LRP1B: variants seen among roughly 807,000 people sequenced by gnomAD.
LRP1B encodes the protein LDL receptor related protein 1B, also known as low-density lipoprotein receptor-related protein 1B.
In LRP1B, 217 loss-of-function variants were observed where a neutral mutation model predicts 556.6. That is an observed-to-expected ratio of 0.39 (90% CI 0.35 to 0.44). The LOEUF (loss-of-function observed/expected upper bound fraction) is 0.44, where lower values mean the gene tolerates loss of function less well. LRP1B is among the 20% of genes least tolerant of loss of function. The pLI, the probability that LRP1B is intolerant of heterozygous loss-of-function variation, is 1.00. For missense variants in LRP1B, 5,053 were observed against 5,620.8 expected (o/e 0.90, Z 3.23); for synonymous variants, 2,047 against 1,865.8 (o/e 1.10, Z -2.50).
chr2:141,922,088 C>A (rs1052723884), intron 1 of LRP1B, among the ~76,000 whole-genome samples: 1 of 151,948 alleles, frequency 6.6e-6, no homozygotes, highest in Non-Finnish European at 1.5e-5. Context: ...AGGATCCATC[C>A]CAATAGTCTA....
intron 2 of LRP1B, among the ~76,000 whole-genome samples, 162 bp downstream of exon 2, chr2:141,810,095 AAAAGAAAGAAAGAAAGAAAAAG>A (rs1254313872): frequency 2.2e-5 from 3 of 136,584 alleles, no homozygotes; most frequent in African/African-American, 8.0e-5. Context: ...CTATTTGGAA[AAAAGAAAGAAAGAAAGAAAAAG>A]AAAGAAAGAA....
In LRP1B at chr2:140,319,421, A is replaced by AG. The variant is rs1679966428; in HGVS notation, c.12640+2541dup. Among the ~76,000 whole-genome samples, 4 of 152,108 alleles carry AG rather than the reference A, an allele frequency of 2.6e-5. No homozygotes were observed. In the South Asian group the frequency reaches 8.3e-4, roughly 32 times the overall value. ...GAGGCACCTGTGAGGGCAATGGGTGAGGGATTATGTGGAACTGCTGAAGGT... is the reference window on the plus strand; with the variant it reads ...GAGGCACCTGTGAGGGCAATGGGTGAGGGGATTATGTGGAACTGCTGAAGGT... On this transcript the variant is annotated intron_variant, in intron 82 of 90. Coordinates refer to ENST00000389484, the MANE Select transcript of LRP1B (RefSeq NM_018557.3).
At chr2:141,326,414 A>G (rs1209231967) in intron 3 of LRP1B, among the ~76,000 whole-genome samples, 1 of 152,196 alleles carries the variant, frequency 6.6e-6, no homozygotes, top group Non-Finnish European at 1.5e-5. Flanking sequence ...ATTATAAAGC[A>G]GAACTGTGGA....
At chr2:141,462,082 G>A (rs1172889349) in intron 3 of LRP1B, among the ~76,000 whole-genome samples, 5 of 152,146 alleles carry the variant, frequency 3.3e-5, no homozygotes, top group African/African-American at 1.2e-4. Context: ...TTTTAATAAA[G>A]TTGGTATAAA....
intron 58 of LRP1B, among the ~76,000 whole-genome samples, chr2:140,486,154 T>C (rs1688462112): frequency 6.6e-6 from 1 of 152,060 alleles, no homozygotes; most frequent in Admixed American, 6.6e-5. Flanking sequence ...ATCAACAATT[T>C]TTGATCTATA....
At chr2:141,552,780 A>T (rs1222355586) in intron 2 of LRP1B, among the ~76,000 whole-genome samples, 1 of 142,760 alleles carries the variant, frequency 7.0e-6, no homozygotes, top group African/African-American at 3.0e-5. Flanking sequence ...TTAAACCAAT[A>T]AAAAAAATTC....
Position 141,893,632 on chromosome 2 carries a change from A to C in LRP1B, c.83-83231T>G, listed in dbSNP as rs1699355793. On this transcript the variant is annotated intron_variant, in intron 1 of 90. Coordinates refer to ENST00000389484, the MANE Select transcript of LRP1B (RefSeq NM_018557.3). ...ATTGCCAAATGGATGAAGTCATAAAATCCAGGAAGCAGGTAAGCCATGGAG... is the reference window on the plus strand; with the variant it reads ...ATTGCCAAATGGATGAAGTCATAAACTCCAGGAAGCAGGTAAGCCATGGAG... 2.0e-5 allele frequency among the ~76,000 whole-genome samples: 3 copies of C among 152,190 alleles called. No individual in the cohort carries two copies. The South Asian group carries it at 6.2e-4, about 31-fold the overall frequency.
chr2:140,476,236 ATTTGAGTTACAGGATCTTTAAAGTTAT>A (rs1296782188), intron 59 of LRP1B, among the ~76,000 whole-genome samples: 1 of 152,004 alleles, frequency 6.6e-6, no homozygotes, highest in Non-Finnish European at 1.5e-5. Flanking sequence ...CTACATAAAG[ATTTGAGTTACAGGATCTTTAAAGTTAT>A]TTTCACATTC....
At chr2:140,790,833 G>A (rs1220936449) in intron 32 of LRP1B, among the ~76,000 whole-genome samples, 1 of 152,154 alleles carries the variant, frequency 6.6e-6, no homozygotes, top group African/African-American at 2.4e-5. Context: ...CAAGGCAATG[G>A]CTCACACCTG....
Position 140,643,926 on chromosome 2 carries a change from G to A in LRP1B, c.6800-42287C>T, listed in dbSNP as rs557355224. The stretch of plus-strand genomic sequence containing the variant: ...AAAACAGTAGGAAAGGTGGGGGGTG[G>A]ACGATATATGTCCAAAATAATGTTG... On this transcript the variant is annotated intron_variant, in intron 41 of 90. Transcript: ENST00000389484. Among the ~76,000 whole-genome samples, 13 of 152,238 alleles carry A rather than the reference G, an allele frequency of 8.5e-5. 1 individual carries two copies. The South Asian group carries it at 2.7e-3, about 32-fold the overall frequency.
chr2:141,707,024 C>G (rs912713597), intron 2 of LRP1B, among the ~76,000 whole-genome samples: 1 of 151,970 alleles, frequency 6.6e-6, no homozygotes, highest in Non-Finnish European at 1.5e-5. Context: ...CTAATACAGG[C>G]CACAAAAGAA....
chr2:140,991,210 A>C (rs769751442), intron 16 of LRP1B, among the ~76,000 whole-genome samples: 4 of 152,160 alleles, frequency 2.6e-5, no homozygotes, highest in Non-Finnish European at 5.9e-5. Flanking sequence ...AATATTATAC[A>C]TATGCACTTC....
chr2:140,460,709 T>C (rs1218440747), intron 60 of LRP1B, among the ~76,000 whole-genome samples: 1 of 152,180 alleles, frequency 6.6e-6, no homozygotes, highest in Non-Finnish European at 1.5e-5. Context: ...TGACTATATA[T>C]CTAAAGCCTA....
At chr2:140,767,819 C>G (rs1689170087) in intron 35 of LRP1B, among the ~76,000 whole-genome samples, 1 of 151,610 alleles carries the variant, frequency 6.6e-6, no homozygotes, top group South Asian at 2.1e-4. Flanking sequence ...TATGCTCCAG[C>G]TAAAGCAAAG....
At chr2:140,748,301 C>CATATTATATTCATATATAAT (rs1688402142) in intron 35 of LRP1B, among the ~76,000 whole-genome samples, 2 of 110,924 alleles carry the variant, frequency 1.8e-5, no homozygotes, top group African/African-American at 3.5e-5. Flanking sequence ...TATATATATT[C>CATATTATATTCATATATAAT]ATATATTATA....
intron 66 of LRP1B, among the ~76,000 whole-genome samples, chr2:140,428,322 C>A (rs931305907): frequency 5.3e-5 from 8 of 152,240 alleles, no homozygotes; most frequent in Non-Finnish European, 7.3e-5. Context: ...CGAGACAAAC[C>A]CCAGCCACAT....
chr2:140,965,804 GT>G (rs56096461), intron 18 of LRP1B, among the ~76,000 whole-genome samples: 21 of 144,980 alleles, frequency 1.4e-4, no homozygotes, highest in Middle Eastern at 3.6e-3. Flanking sequence ...AACATGCAGT[GT>G]TTTTTTTTTT....
In LRP1B at chr2:141,592,866, T is replaced by C. The variant is rs575675713; in HGVS notation, c.206-112333A>G. ...TTCAAGCATTGAAGGAAAAACTTTT[T>C]AAATAAAGCAACTTGTCTGATGGGC... On this transcript the variant is annotated intron_variant, in intron 2 of 90. Coordinates refer to ENST00000389484, the MANE Select transcript of LRP1B (RefSeq NM_018557.3). Among the ~76,000 whole-genome samples the C allele has an allele frequency of 6.6e-5, 10 of 152,308 alleles. No homozygotes were observed. The South Asian group carries it at 2.1e-3, about 32-fold the overall frequency.
At chr2:141,367,950 T>C (rs934202140) in intron 3 of LRP1B, among the ~76,000 whole-genome samples, 7 of 152,204 alleles carry the variant, frequency 4.6e-5, no homozygotes, top group African/African-American at 1.7e-4. Context: ...TAGAAAAATT[T>C]TGTGCCAACA....
Sources: allele counts gnomAD v4.1 joint callset (sites outside exome capture counted in the v4.1 genomes callset), GRCh38; gene constraint gnomAD v4.1.1; transcripts MANE v1.5; gene names NCBI Gene and HGNC (gene_info 2026-07-23, HGNC 2026-07-21).